ADAMTSL1: variants seen among roughly 807,000 people sequenced by gnomAD.
The protein encoded by ADAMTSL1 is ADAMTS like 1, also known as ADAMTS-like protein 1.
ADAMTSL1 carries 126 observed loss-of-function variants against 201.8 expected under a neutral mutation model. The observed-to-expected ratio is 0.62, with a 90% CI of 0.54 to 0.72. The LOEUF (loss-of-function observed/expected upper bound fraction) is 0.72, where lower values mean the gene tolerates loss of function less well. ADAMTSL1 is among the 30% of genes least tolerant of loss of function. The probability of loss-of-function intolerance (pLI) is 0.00; values close to 1 mark genes in which losing one functional copy is unlikely to be tolerated. For missense variants in ADAMTSL1, 2,679 were observed against 2,277.8 expected (o/e 1.18, Z -3.59); for synonymous variants, 1,121 against 903.4 (o/e 1.24, Z -4.32).
At chr9:18,432,281 C>T (rs184897151) in intron 2 of ADAMTSL1, among the ~76,000 whole-genome samples, 2 of 152,306 alleles carry the variant, frequency 1.3e-5, no homozygotes, top group Admixed American at 1.3e-4. Context: ...CATTAATATA[C>T]TAGTTTCTAT....
At chr9:18,707,090 G>C (rs750016910) in intron 14 of ADAMTSL1, 42 bp downstream of exon 14, 2 of 1,582,896 alleles carry the variant, frequency 1.3e-6, no homozygotes, top group Admixed American at 1.7e-5. Context: ...CCATCTTCTT[G>C]CTCATTTTCT....
At chr9:18,409,820 A>G (rs1311509677) in intron 2 of ADAMTSL1, among the ~76,000 whole-genome samples, 1 of 150,090 alleles carries the variant, frequency 6.7e-6, no homozygotes, top group African/African-American at 2.4e-5. Context: ...TATATATATA[A>G]TGAAAATTTA....
At chr9:18,168,006 G>A (rs1304947914) in intron 2 of ADAMTSL1, among the ~76,000 whole-genome samples, 2 of 151,920 alleles carry the variant, frequency 1.3e-5, no homozygotes, top group Non-Finnish European at 2.9e-5. Flanking sequence ...ACTGTTTGTG[G>A]AATAAAGAGA....
intron 2 of ADAMTSL1, among the ~76,000 whole-genome samples, chr9:18,207,275 C>G (rs116018825): frequency 7.4e-4 from 113 of 152,226 alleles, no homozygotes; most frequent in African/African-American, 2.7e-3. Flanking sequence ...TAAAAGATTA[C>G]AAGAATATTA....
intron 2 of ADAMTSL1, among the ~76,000 whole-genome samples, chr9:18,228,985 C>T (rs1009472059): frequency 3.0e-4 from 45 of 152,002 alleles, no homozygotes; most frequent in Admixed American, 8.5e-4. Context: ...TTTCTCTTCA[C>T]GCGCTTGATA....
At chr9:18,572,750 T>G (rs1822416750) in intron 3 of ADAMTSL1, among the ~76,000 whole-genome samples, 1 of 152,182 alleles carries the variant, frequency 6.6e-6, no homozygotes, top group Non-Finnish European at 1.5e-5. Context: ...GAATGCTTAT[T>G]TAAAGGTAAA....
chr9:17,969,979 G>T (rs944612340), intron 1 of ADAMTSL1, among the ~76,000 whole-genome samples: 1 of 152,002 alleles, frequency 6.6e-6, no homozygotes, highest in African/African-American at 2.4e-5. Context: ...GATAATAAAA[G>T]ATAACTGTAG....
chr9:18,381,042 G>A (rs533195369), intron 2 of ADAMTSL1, among the ~76,000 whole-genome samples: 10 of 152,250 alleles, frequency 6.6e-5, no homozygotes, highest in Admixed American at 1.3e-4. Context: ...GTATTTATGC[G>A]GTCTTCTCTA....
chr9:18,180,918 G>A (rs957042299), intron 2 of ADAMTSL1, among the ~76,000 whole-genome samples: 1 of 152,152 alleles, frequency 6.6e-6, no homozygotes, highest in African/African-American at 2.4e-5. Context: ...AAACAGCATG[G>A]TACTGGTACC....
intron 2 of ADAMTSL1, among the ~76,000 whole-genome samples, chr9:18,302,679 A>C (rs549518074): frequency 2.9e-4 from 44 of 152,346 alleles, no homozygotes; most frequent in African/African-American, 1.0e-3. Flanking sequence ...CATGTATAAC[A>C]GTCTAATAAT....
chr9:17,993,359 C>T (rs1036073665), intron 1 of ADAMTSL1, among the ~76,000 whole-genome samples: 1 of 152,042 alleles, frequency 6.6e-6, no homozygotes, highest in Non-Finnish European at 1.5e-5. Flanking sequence ...CATATGTTTT[C>T]TGAGAATAAA....
At chr9:18,039,747 C>T (rs1821357170) in intron 1 of ADAMTSL1, among the ~76,000 whole-genome samples, 2 of 152,116 alleles carry the variant, frequency 1.3e-5, no homozygotes, top group South Asian at 4.1e-4. Flanking sequence ...TCTCTTACTA[C>T]CATAGATCAA....
chr9:18,824,016 G>A (rs190029105), intron 21 of ADAMTSL1, among the ~76,000 whole-genome samples: 296 of 149,598 alleles, frequency 2.0e-3, no homozygotes, highest in African/African-American at 7.1e-3. Flanking sequence ...AAGGAAGGAA[G>A]GAAAGAAGGA....
intron 4 of ADAMTSL1, among the ~76,000 whole-genome samples, chr9:18,598,361 C>G (rs1489348944): frequency 1.3e-5 from 2 of 152,126 alleles, no homozygotes; most frequent in Non-Finnish European, 2.9e-5. Flanking sequence ...GGCTCCAAGT[C>G]CACTGCTCTT....
intron 1 of ADAMTSL1, among the ~76,000 whole-genome samples, chr9:18,074,870 C>A (rs1038823419): frequency 6.6e-6 from 1 of 152,152 alleles, no homozygotes; most frequent in African/African-American, 2.4e-5. Flanking sequence ...GGATTACAAG[C>A]GTGAGCCATG....
At chr9:18,302,525 T>C (rs936698085) in intron 2 of ADAMTSL1, among the ~76,000 whole-genome samples, 1 of 152,198 alleles carries the variant, frequency 6.6e-6, no homozygotes, top group Non-Finnish European at 1.5e-5. Flanking sequence ...ATATCAAAAT[T>C]GTAAAGTATT....
At chr9:18,721,737 A>G in intron 15 of ADAMTSL1, 72 bp downstream of exon 15, 1 of 1,538,242 alleles carries the variant, frequency 6.5e-7, no homozygotes, top group Admixed American at 2.0e-5. Context: ...AGTGGGCAAG[A>G]CTGTAACACT....
chr9:18,471,086 G>C (rs1257961190), upstream of ADAMTSL1, among the ~76,000 whole-genome samples: 1 of 152,140 alleles, frequency 6.6e-6, no homozygotes, highest in Non-Finnish European at 1.5e-5. Context: ...CTTTTCCTAG[G>C]TGCTGAAAAC....
At chr9:18,043,910 CT>C (rs1458151649) in intron 1 of ADAMTSL1, among the ~76,000 whole-genome samples, 1 of 150,154 alleles carries the variant, frequency 6.7e-6, no homozygotes, top group Non-Finnish European at 1.5e-5. Context: ...CTTCATTCCC[CT>C]TCATTTTTTG....
Sources: gnomAD v4.1 joint callset for allele counts (sites outside exome capture counted in the v4.1 genomes callset) on GRCh38, gnomAD v4.1.1 for gene constraint, MANE v1.5 for transcripts, NCBI Gene and HGNC (gene_info 2026-07-23, HGNC 2026-07-21) for gene names.